KHDRBS2: variants seen among roughly 807,000 people sequenced by gnomAD.
KHDRBS2 encodes KH domain-containing, RNA-binding, signal transduction-associated protein 2.
A neutral mutation model predicts 44.3 loss-of-function variants in KHDRBS2; 26 were observed. That is an observed-to-expected ratio of 0.59 (90% CI 0.43 to 0.81). The LOEUF is 0.81. Ranked by LOEUF, KHDRBS2 falls within the 40% of genes least tolerant of loss-of-function variation. The pLI is 0.00. For missense variants in KHDRBS2, 476 were observed against 433.1 expected, an observed-to-expected ratio of 1.10 and a Z score of -0.88; for synonymous variants, 194 against 151.1, an observed-to-expected ratio of 1.28 and a Z score of -2.08.
intron 2 of KHDRBS2, among the ~76,000 whole-genome samples, chr6:62,109,034 A>C (rs1198220495): frequency 2.0e-5 from 3 of 151,978 alleles, no homozygotes; most frequent in Non-Finnish European, 2.9e-5. Context: ...CCAGCATGGC[A>C]CATGTATACA....
intron 2 of KHDRBS2, among the ~76,000 whole-genome samples, chr6:62,065,746 C>T (rs1360955515): frequency 2.7e-5 from 4 of 148,014 alleles, no homozygotes; most frequent in African/African-American, 7.5e-5. Context: ...AACTAACCTG[C>T]ACAATGTGCA....
chr6:61,842,947 G>GATAATCTATCTGTATAGATTACAGATAT (rs1793808413), intron 6 of KHDRBS2, among the ~76,000 whole-genome samples: 1 of 151,194 alleles, frequency 6.6e-6, no homozygotes, highest in Non-Finnish European at 1.5e-5. Context: ...ATTACAGATA[G>GATAATCTATCTGTATAGATTACAGATAT]ATAATCTATC....
At chr6:61,692,797 T>C (rs1261001626) in intron 8 of KHDRBS2, among the ~76,000 whole-genome samples, 1 of 152,036 alleles carries the variant, frequency 6.6e-6, no homozygotes, top group Non-Finnish European at 1.5e-5. Flanking sequence ...CTTCTTCCTC[T>C]CCCAATGCCT....
At chr6:62,224,449 C>T (rs537181410) in intron 1 of KHDRBS2, among the ~76,000 whole-genome samples, 180 of 152,180 alleles carry the variant, frequency 1.2e-3, no homozygotes, top group Admixed American at 2.4e-3. Context: ...GGGAATACGA[C>T]TCCCTAAACA....
At chr6:62,204,999 T>C (rs1234375094) in intron 1 of KHDRBS2, among the ~76,000 whole-genome samples, 1 of 152,166 alleles carries the variant, frequency 6.6e-6, no homozygotes, top group Non-Finnish European at 1.5e-5. Flanking sequence ...GAATGTTTGT[T>C]AATTAATTAA....
chr6:61,580,324 TA>T, the KHDRBS2 span, among the ~76,000 whole-genome samples: 1 of 152,120 alleles, frequency 6.6e-6, no homozygotes, highest in African/African-American at 2.4e-5. Flanking sequence ...TGTGTCTAGC[TA>T]AAGGATTGTA....
chr6:61,859,614 T>C (rs1796631561), intron 6 of KHDRBS2, among the ~76,000 whole-genome samples: 1 of 151,958 alleles, frequency 6.6e-6, no homozygotes, highest in South Asian at 2.1e-4. Flanking sequence ...TGTGTATACC[T>C]TTGCACTTTA....
At chr6:61,551,363 A>C in the KHDRBS2 span, among the ~76,000 whole-genome samples, 1 of 152,012 alleles carries the variant, frequency 6.6e-6, no homozygotes, top group Non-Finnish European at 1.5e-5. Flanking sequence ...GAAGCTCTTT[A>C]GTTTAATTAG....
chr6:62,187,562 T>C (rs2150129217), intron 1 of KHDRBS2, among the ~76,000 whole-genome samples: 1 of 152,276 alleles, frequency 6.6e-6, no homozygotes, highest in East Asian at 1.9e-4. Context: ...GAACATATTT[T>C]TATTATTATA....
chr6:61,855,490 GTA>G (rs10615944), intron 6 of KHDRBS2, among the ~76,000 whole-genome samples: 85,095 of 148,738 alleles, frequency 0.57, 24,446 homozygotes, highest in South Asian at 0.68. Context: ...GTGTGTATAT[GTA>G]TATATATATA....
chr6:61,837,781 A>C lies in KHDRBS2; in HGVS notation c.810+56854T>G, dbSNP rs1792948198. On this transcript the variant is annotated intron_variant, in intron 6 of 8. Transcript: ENST00000281156. ...CAACTTCTGTGAACAACCCTCATTTAACAACTCAGGAGACCTATATAACAC... is the reference window on the plus strand; with the variant it reads ...CAACTTCTGTGAACAACCCTCATTTCACAACTCAGGAGACCTATATAACAC... 2.0e-5 allele frequency among the ~76,000 whole-genome samples: 3 copies of C among 152,180 alleles called. No individual in the cohort carries two copies. In the South Asian group the frequency reaches 6.2e-4, roughly 32 times the overall value.
the KHDRBS2 span, among the ~76,000 whole-genome samples, chr6:61,618,335 C>T: frequency 2.0e-5 from 3 of 152,148 alleles, no homozygotes; most frequent in Non-Finnish European, 2.9e-5. Flanking sequence ...AGGCCGCATG[C>T]ATGACATGAC....
intron 4 of KHDRBS2, among the ~76,000 whole-genome samples, chr6:61,938,179 G>T (rs1367875486): frequency 7.9e-5 from 12 of 152,050 alleles, no homozygotes; most frequent in Non-Finnish European, 1.8e-4. Context: ...TCTGTTGGTG[G>T]TCTAAATGAG....
At chr6:61,923,631 T>C (rs73489418) in intron 4 of KHDRBS2, among the ~76,000 whole-genome samples, 12,174 of 152,128 alleles carry the variant, frequency 0.08, 484 homozygotes, top group Middle Eastern at 0.14. Flanking sequence ...AATATTCATT[T>C]CTGACCACAA....
intron 4 of KHDRBS2, among the ~76,000 whole-genome samples, chr6:61,956,942 C>CATCATCA: frequency 6.6e-6 from 1 of 151,890 alleles, no homozygotes; most frequent in Admixed American, 6.6e-5. Flanking sequence ...TCATCATCAT[C>CATCATCA]TGTTGTGGGA....
chr6:61,957,528 G>A (rs1045345640), intron 4 of KHDRBS2, among the ~76,000 whole-genome samples: 6 of 152,124 alleles, frequency 3.9e-5, no homozygotes, highest in Non-Finnish European at 8.8e-5. Flanking sequence ...GTCTTTTACG[G>A]TCATAGCTGT....
intron 2 of KHDRBS2, among the ~76,000 whole-genome samples, chr6:62,111,445 A>G (rs1804968833): frequency 6.6e-6 from 1 of 152,088 alleles, no homozygotes; most frequent in Non-Finnish European, 1.5e-5. Flanking sequence ...AAATTATTTG[A>G]TGGTGATGTC....
intron 2 of KHDRBS2, among the ~76,000 whole-genome samples, chr6:62,126,875 T>C (rs1809102564): frequency 1.3e-5 from 2 of 152,216 alleles, no homozygotes; most frequent in Admixed American, 6.5e-5. Context: ...CCATGATTTA[T>C]TTAACTTTAT....
chr6:61,920,679 C>A (rs1807917668), intron 4 of KHDRBS2, among the ~76,000 whole-genome samples: 1 of 151,762 alleles, frequency 6.6e-6, no homozygotes, highest in African/African-American at 2.4e-5. Flanking sequence ...TTTTTACAGG[C>A]AAATAGTTGA....
Sources: gnomAD v4.1 joint callset for allele counts (sites outside exome capture counted in the v4.1 genomes callset) on GRCh38, gnomAD v4.1.1 for gene constraint, MANE v1.5 for transcripts, NCBI Gene and HGNC (gene_info 2026-07-23, HGNC 2026-07-21) for gene names.